The following PLXNC1 variants were observed in gnomAD, a reference collection of about 807,000 sequenced individuals.
PLXNC1 encodes plexin-C1.
Under a neutral mutation model 178.2 loss-of-function variants are expected in PLXNC1, and 75 were observed. The ratio of observed to expected loss-of-function variants is 0.42; its 90% CI spans 0.35 to 0.51. The LOEUF (loss-of-function observed/expected upper bound fraction) is 0.51. Ranked by LOEUF, PLXNC1 falls within the 20% of genes least tolerant of loss-of-function variation. The pLI is 0.02. For synonymous variants in PLXNC1, 790 were observed against 779.9 expected (o/e 1.01, Z -0.22); for missense variants, 1,503 against 1,984.4 (o/e 0.76, Z 4.61).
chr12:94,212,131 G>A (rs921044802), intron 5 of PLXNC1, among the ~76,000 whole-genome samples: 9 of 151,690 alleles, frequency 5.9e-5, no homozygotes, highest in African/African-American at 1.7e-4. Context: ...AAAATTAGCC[G>A]GGCGTGGTGG....
In PLXNC1 at chr12:94,149,813, T is replaced by C. The variant is rs2135910964; in HGVS notation, c.842T>C (p.Leu281Pro). The C allele has an allele frequency of 1.2e-6, 2 of 1,603,120 alleles. No homozygotes were observed. Among genetic ancestry groups the C allele is most frequent in the Non-Finnish European group, 1.7e-6 (2 of 1,176,360 alleles). Reference sequence around the variant, plus strand: ...GTGCTGTTCCAGGGCCAGGCATCCCTCGACTGCGGCCACGGCCACCCCGAC... The same window carrying C: ...GTGCTGTTCCAGGGCCAGGCATCCCCCGACTGCGGCCACGGCCACCCCGAC... ...TEVLFQGQAS[L>P]DCGHGHPDGR... Residue 281 changes from leucine (L) to proline (P), a missense_variant, in exon 1 of 31, where the codon CTC (leucine) becomes CCC (proline). By Grantham distance (98) the Leu-to-Pro change is moderately conservative. This residue lies in a region of PLXNC1 where 615 missense variants were observed against 698.6 expected (regional missense o/e 0.88). Coordinates refer to ENST00000258526, the MANE Select transcript of PLXNC1 (RefSeq NM_005761.3).
At chr12:94,250,707 T>G (rs1052640174) in intron 14 of PLXNC1, among the ~76,000 whole-genome samples, 29 of 152,204 alleles carry the variant, frequency 1.9e-4, no homozygotes, top group Non-Finnish European at 1.9e-4. Flanking sequence ...AATCTGGTTT[T>G]TGCCACAGAA....
intron 22 of PLXNC1, chr12:94,280,222 G>A (rs1409982331): frequency 1.2e-5 from 2 of 171,310 alleles, no homozygotes; most frequent in Non-Finnish European, 2.5e-5. Context: ...GAGAGCATAT[G>A]CGTGAGCAAG....
chr12:94,182,678 T>C (rs972643372), intron 3 of PLXNC1, among the ~76,000 whole-genome samples: 1 of 150,338 alleles, frequency 6.7e-6, no homozygotes, highest in African/African-American at 2.5e-5. Context: ...TGAGCTGACA[T>C]CACACCACTG....
rs1391042375 is a variant in PLXNC1, at chr12:94,149,952, G to A, written c.981G>A (p.Ala327=). Residue 327 remains alanine, a synonymous_variant, in exon 1 of 31, where the codon GCG becomes GCA. Coordinates refer to ENST00000258526, the MANE Select transcript of PLXNC1 (RefSeq NM_005761.3). ...GQERRSPTTT[A]LCLFRMSEIQ... Reference sequence around the variant, plus strand: ...AGCGGCGCTCCCCCACCACCACGGCGCTCTGCCTCTTCAGAATGAGTGAGA... The same window carrying A: ...AGCGGCGCTCCCCCACCACCACGGCACTCTGCCTCTTCAGAATGAGTGAGA... The A allele has an allele frequency of 6.3e-7, 1 of 1,588,354 alleles. No individual in the cohort carries two copies. The highest frequency in any genetic ancestry group is 8.6e-7 in the Non-Finnish European group (1 of 1,168,422).
At chr12:94,263,701 T>C (rs1965068808) in intron 20 of PLXNC1, among the ~76,000 whole-genome samples, 1 of 151,976 alleles carries the variant, frequency 6.6e-6, no homozygotes, top group Non-Finnish European at 1.5e-5. Flanking sequence ...TCATGAGAAT[T>C]AAATGTCATG....
At position 94,150,102 on chromosome 12, in the gene PLXNC1, A is replaced by C. The variant is rs1013983057; in HGVS notation, c.1062+69A>C. On this transcript the variant is annotated intron_variant, in intron 1 of 30. Coordinates refer to ENST00000258526, the MANE Select transcript of PLXNC1 (RefSeq NM_005761.3). ...GGAGCCGCCGCCGCCGCCGAGGCAG[A>C]ACGAGCTGGGGGCGAGCGGCGGGGC... is the stretch of plus-strand genomic sequence containing the variant. 3 of 1,308,636 alleles carry C rather than the reference A, an allele frequency of 2.3e-6. No homozygotes were observed. The African/African-American group carries it at 4.6e-5, about 20-fold the overall frequency. 81.1% of individuals were successfully genotyped at this position (1,308,636 alleles called of 1,614,324 possible).
At position 94,258,303 on chromosome 12, in the gene PLXNC1, T is replaced by G. The variant is rs941888380; in HGVS notation, c.3088-1034T>G. ...TGGGGGTTTTTTTGGTTTGTTTTTT[T>G]GGGGCTTTTTTGCTTTTTACTAGGG... On this transcript the variant is annotated intron_variant, in intron 17 of 30. Transcript: ENST00000258526. Among the ~76,000 whole-genome samples the G allele has an allele frequency of 2.4e-4, 36 of 152,324 alleles. 1 individual carries two copies. The highest frequency in any genetic ancestry group is 2.3e-3 in the East Asian group (12 of 5,186).
intron 4 of PLXNC1, among the ~76,000 whole-genome samples, chr12:94,190,176 G>A (rs1225038820): frequency 1.3e-5 from 2 of 152,094 alleles, no homozygotes; most frequent in Admixed American, 6.5e-5. Flanking sequence ...ATTGAGAAGG[G>A]GAAAGGAACA....
chr12:94,227,001 G>T, intron 8 of PLXNC1, 148 bp from the exon 9 acceptor site: 1 of 629,210 alleles, frequency 1.6e-6, no homozygotes, highest in Non-Finnish European at 2.8e-6. Context: ...CCCAGCCTGG[G>T]TGACAGAGTG....
intron 6 of PLXNC1, among the ~76,000 whole-genome samples, chr12:94,222,301 G>A (rs1215605137): frequency 6.6e-6 from 1 of 152,052 alleles, no homozygotes; most frequent in Admixed American, 6.6e-5. Flanking sequence ...ATTCTGAACG[G>A]GCAAACAAAT....
At position 94,307,498 on chromosome 12, in the gene PLXNC1, A is replaced by G. The variant is rs780615889; in HGVS notation, c.*2213A>G. Reference sequence around the variant, plus strand: ...TTGCATATTTTTTTGGTGCAAAACCATTTATAAACTTTTTTTTCTAACACT... The same window carrying G: ...TTGCATATTTTTTTGGTGCAAAACCGTTTATAAACTTTTTTTTCTAACACT... On this transcript the variant is annotated 3_prime_UTR_variant, in exon 31 of 31. Coordinates refer to ENST00000258526, the MANE Select transcript of PLXNC1 (RefSeq NM_005761.3). 1 of 152,178 alleles carries G rather than the reference A, an allele frequency of 6.6e-6. No homozygotes were observed. Among genetic ancestry groups the G allele is most frequent in the Non-Finnish European group, 1.5e-5 (1 of 68,022 alleles). The allele number at this position is 152,178 out of a possible 1,614,324, so 9.4% of individuals were successfully genotyped here.
Position 94,303,913 on chromosome 12 carries a change from G to C in PLXNC1, c.4527+17G>C. 6.2e-7 allele frequency: 1 copy of C among 1,608,714 alleles called. No individual in the cohort carries two copies. The highest frequency in any genetic ancestry group is 8.5e-7 in the Non-Finnish European group (1 of 1,177,594). On this transcript the variant is annotated intron_variant, in intron 29 of 30. Coordinates refer to ENST00000258526, the MANE Select transcript of PLXNC1 (RefSeq NM_005761.3). ...GAATCTAAGGTATCATTAGAAAGCA[G>C]AAATAAGCTTATATTTGGTTACTTT...
rs190967399 is a variant in PLXNC1, at chr12:94,280,774, C to T, written c.3775+1125C>T. Among the ~76,000 whole-genome samples the T allele has an allele frequency of 5.9e-5, 9 of 152,354 alleles. No homozygotes were observed. The East Asian group carries it at 1.7e-3, about 29-fold the overall frequency. On this transcript the variant is annotated intron_variant, in intron 22 of 30. Transcript: ENST00000258526. ...TCACTACAAAGGACATGGGCATACC[C>T]CGCCCGACAGTCTTGGTCCTGCCGC...
intron 9 of PLXNC1, among the ~76,000 whole-genome samples, chr12:94,236,400 C>T (rs1964241559): frequency 6.6e-6 from 1 of 152,168 alleles, no homozygotes; most frequent in African/African-American, 2.4e-5. Context: ...CCCAGCAATG[C>T]CACCCCAATG....
Position 94,287,961 on chromosome 12 carries a change from G to A in PLXNC1, c.3879+5560G>A, listed in dbSNP as rs117245908. 3.3e-3 allele frequency among the ~76,000 whole-genome samples: 495 copies of A among 152,290 alleles called. 3 individuals carry two copies. Among genetic ancestry groups the A allele is most frequent in the Non-Finnish European group, 5.2e-3 (355 of 68,028 alleles). Reference sequence around the variant, plus strand: ...AGGCCCAGGGAGGCTAAGAAACTTGGCCAGAGTCACAGAGTTCCTTCACTG... The same window carrying A: ...AGGCCCAGGGAGGCTAAGAAACTTGACCAGAGTCACAGAGTTCCTTCACTG... On this transcript the variant is annotated intron_variant, in intron 23 of 30. Transcript: ENST00000258526.
At chr12:94,252,657 A>C (rs76303335) in intron 15 of PLXNC1, among the ~76,000 whole-genome samples, 1,692 of 152,346 alleles carry the variant, frequency 0.011, 23 homozygotes, top group African/African-American at 0.038. Context: ...AATGTGAAAG[A>C]TTTGGATCAT....
intron 2 of PLXNC1, among the ~76,000 whole-genome samples, chr12:94,177,159 A>G (rs1402913137): frequency 0.011 from 397 of 36,956 alleles, 1 homozygote; most frequent in African/African-American, 0.042. Flanking sequence ...GTATATATAT[A>G]TGTATATATA....
At chr12:94,254,745 T>G in intron 15 of PLXNC1, 42 bp from the exon 16 acceptor site, 1 of 1,448,798 alleles carries the variant, frequency 6.9e-7, no homozygotes, top group Non-Finnish European at 9.4e-7. Context: ...TTTTGGTTTT[T>G]GAGTTACCAT....
Sources: allele counts gnomAD v4.1 joint callset (sites outside exome capture counted in the v4.1 genomes callset), GRCh38; gene constraint gnomAD v4.1.1; regional missense constraint gnomAD v4.1.1; transcripts MANE v1.5; gene names NCBI Gene and HGNC (gene_info 2026-07-23, HGNC 2026-07-21).